The following ABHD18 variants were observed in gnomAD, a reference collection of about 807,000 sequenced individuals.
ABHD18 encodes the protein cardiolipin-specific deacylase, mitochondrial.
Under a neutral mutation model 65.9 loss-of-function variants are expected in ABHD18, and 55 were observed. The observed-to-expected ratio is 0.84, with a 90% CI of 0.67 to 1.05. The LOEUF (loss-of-function observed/expected upper bound fraction) is 1.05. ABHD18 is among the 50% of genes least tolerant of loss of function. ABHD18 has a pLI of 0.00. For missense variants in ABHD18, 533 were observed against 558.5 expected (o/e 0.95, Z 0.46); for synonymous variants, 181 against 180.2 (o/e 1.00, Z -0.04).
At chr4:128,016,252 TA>T (rs1289062000) in intron 7 of ABHD18, among the ~76,000 whole-genome samples, 1 of 152,034 alleles carries the variant, frequency 6.6e-6, no homozygotes, top group African/African-American at 2.4e-5. Context: ...GTGCCCAGCT[TA>T]AATACTTTTT....
intron 4 of ABHD18, among the ~76,000 whole-genome samples, chr4:127,993,542 C>T (rs539472961): frequency 6.6e-6 from 1 of 151,962 alleles, no homozygotes; most frequent in South Asian, 2.1e-4. Context: ...AGCAATTTAT[C>T]TTATTGCATT....
At position 127,965,525 on chromosome 4, in the gene ABHD18, T is replaced by C. The variant is rs987492661; in HGVS notation, c.-99T>C. 4 of 323,742 alleles carry C rather than the reference T, an allele frequency of 1.2e-5. No homozygotes were observed. The highest frequency in any genetic ancestry group is 2.1e-5 in the African/African-American group (1 of 46,860). 20.1% of individuals were successfully genotyped at this position (323,742 alleles called of 1,614,324 possible). On this transcript the variant is annotated 5_prime_UTR_variant, in exon 1 of 13. Transcript: ENST00000645843. ...GCTGCGATTGGGGCTGGGACCAAAG[T>C]TGAGTCCTGGAAAGGGAGCCTGGAG...
intron 4 of ABHD18, among the ~76,000 whole-genome samples, chr4:128,001,535 CT>C (rs1476254383): frequency 1.3e-5 from 2 of 152,120 alleles, no homozygotes; most frequent in Non-Finnish European, 2.9e-5. Flanking sequence ...GTCCTTATAG[CT>C]TCTGATACTT....
At chr4:128,033,358 C>A (rs1447179395) in intron 12 of ABHD18, among the ~76,000 whole-genome samples, 1 of 152,014 alleles carries the variant, frequency 6.6e-6, no homozygotes, top group African/African-American at 2.4e-5. Context: ...GTGTTTACAC[C>A]AACATGCAAA....
intron 7 of ABHD18, among the ~76,000 whole-genome samples, chr4:128,011,939 T>G (rs1754652611): frequency 6.6e-6 from 1 of 152,110 alleles, no homozygotes; most frequent in Admixed American, 6.6e-5. Flanking sequence ...ACTTAATATA[T>G]AGTTTAGTTG....
intron 12 of ABHD18, among the ~76,000 whole-genome samples, chr4:128,033,946 C>G (rs1271539923): frequency 6.7e-6 from 1 of 149,426 alleles, no homozygotes; most frequent in Non-Finnish European, 1.5e-5. Flanking sequence ...TATAGACATG[C>G]ATTTTCTTTT....
Position 127,976,245 on chromosome 4 carries a change from A to G in ABHD18, c.-17-6694A>G, listed in dbSNP as rs182264578. On this transcript the variant is annotated intron_variant, in intron 1 of 12. Transcript: ENST00000645843. ...TCAGGAAGCTATGGCCTATTGTTCA[A>G]CCTGCCTGTTTTTCTATGTCTTTCA... 2.6e-3 allele frequency among the ~76,000 whole-genome samples: 395 copies of G among 152,248 alleles called. 2 individuals carry two copies. Among genetic ancestry groups the G allele is most frequent in the Non-Finnish European group, 2.3e-3 (155 of 68,022 alleles).
At position 128,037,470 on chromosome 4, in the gene ABHD18, T is replaced by G. The variant is rs1164119217; in HGVS notation, c.*1657T>G. On this transcript the variant is annotated 3_prime_UTR_variant, in exon 13 of 13. Transcript: ENST00000645843. ...GTTCTCCTGCCTCCACCTGAGTAGC[T>G]GAGATTACAGGTGCCCGCCACCATG... The G allele has an allele frequency of 1.3e-5, 2 of 151,944 alleles. No homozygotes were observed. The highest frequency in any genetic ancestry group is 3.9e-4 in the East Asian group (2 of 5,130). 9.4% of individuals were successfully genotyped at this position (151,944 alleles called of 1,614,324 possible). A position where few individuals can be genotyped will look rare whatever the true frequency, so the allele number is the denominator to read the frequency against.
At chr4:127,980,602 T>TA (rs35811689) in intron 1 of ABHD18, among the ~76,000 whole-genome samples, 1,837 of 151,858 alleles carry the variant, frequency 0.012, 77 homozygotes, top group East Asian at 0.099. Flanking sequence ...GGCGGACGGA[T>TA]AACCTCAGGT....
At chr4:127,972,412 G>A (rs1423412594) in intron 1 of ABHD18, among the ~76,000 whole-genome samples, 1 of 152,118 alleles carries the variant, frequency 6.6e-6, no homozygotes, top group Non-Finnish European at 1.5e-5. Context: ...ACTTTCAGGG[G>A]GCCCACAGGG....
chr4:128,016,771 C>T (rs761762187), intron 7 of ABHD18, among the ~76,000 whole-genome samples: 1 of 152,220 alleles, frequency 6.6e-6, no homozygotes, highest in Middle Eastern at 3.4e-3. Flanking sequence ...AGCAAGACTC[C>T]GTCTCAAAGA....
intron 8 of ABHD18, 49 bp downstream of exon 8, chr4:128,017,550 G>C (rs964677517): frequency 1.7e-5 from 26 of 1,490,030 alleles, no homozygotes; most frequent in Non-Finnish European, 2.3e-5. Flanking sequence ...ATGTTTGTAA[G>C]ATCTAGAGAA....
chr4:128,011,788 T>C, intron 7 of ABHD18, 88 bp downstream of exon 7: 2 of 526,000 alleles, frequency 3.8e-6, no homozygotes, highest in South Asian at 2.6e-5. Flanking sequence ...TAACCATTTC[T>C]AAATTGAATA....
At chr4:127,988,919 A>T (rs956515355) in intron 3 of ABHD18, among the ~76,000 whole-genome samples, 1 of 152,024 alleles carries the variant, frequency 6.6e-6, no homozygotes, top group Non-Finnish European at 1.5e-5. Context: ...CAATCCCCCC[A>T]CTGGGTATAT....
At position 127,982,978 on chromosome 4, in the gene ABHD18, T is replaced by C; in HGVS notation, c.23T>C (p.Ile8Thr). Residue 8 changes from isoleucine to threonine, a missense_variant, in exon 2 of 13, where the codon ATT becomes ACT. Ile to Thr is a moderately conservative substitution (Grantham distance 89, BLOSUM62 -1). Transcript: ENST00000645843. ...CTGATGGGTGTGAGCAAGTTAGATA[T>C]TCTATACCGGAGACTTCTCCTAACA... is the stretch of plus-strand genomic sequence containing the variant. MGVSKLD[I>T]LYRRLLLTKL... 4 of 1,565,594 alleles carry C rather than the reference T, an allele frequency of 2.6e-6. No homozygotes were observed. Among genetic ancestry groups the C allele is most frequent in the Non-Finnish European group, 3.5e-6 (4 of 1,153,678 alleles).
intron 8 of ABHD18, among the ~76,000 whole-genome samples, chr4:128,019,813 A>G (rs1445613713): frequency 1.3e-5 from 2 of 152,210 alleles, no homozygotes; most frequent in Non-Finnish European, 2.9e-5. Flanking sequence ...TCTTTGCTCC[A>G]TATTTACACA....
intron 1 of ABHD18, among the ~76,000 whole-genome samples, chr4:127,978,001 T>C (rs1254040118): frequency 6.6e-6 from 1 of 152,152 alleles, no homozygotes; most frequent in Non-Finnish European, 1.5e-5. Flanking sequence ...GCTATTGAGT[T>C]AATATATGGA....
At chr4:127,991,479 C>T (rs1374141006) in intron 4 of ABHD18, among the ~76,000 whole-genome samples, 2 of 152,220 alleles carry the variant, frequency 1.3e-5, no homozygotes, top group Admixed American at 6.5e-5. Context: ...CCACCTCAGC[C>T]TCCCAAGTGC....
intron 12 of ABHD18, chr4:128,030,910 T>C (rs1758115718): frequency 2.5e-6 from 3 of 1,189,804 alleles, no homozygotes; most frequent in East Asian, 4.1e-5. Context: ...ATCGTGTGGC[T>C]TTCCCCTCTT....
Sources: gnomAD v4.1 joint callset for allele counts (sites outside exome capture counted in the v4.1 genomes callset) on GRCh38, gnomAD v4.1.1 for gene constraint, MANE v1.5 for transcripts, NCBI Gene and HGNC (gene_info 2026-07-23, HGNC 2026-07-21) for gene names.